The following KCNQ5 variants were observed in gnomAD, a reference collection of about 807,000 sequenced individuals.
KCNQ5 encodes potassium voltage-gated channel subfamily Q member 5, also known as potassium voltage-gated channel subfamily KQT member 5.
KCNQ5 carries 30 observed loss-of-function variants against 98.2 expected under a neutral mutation model. That is an observed-to-expected ratio of 0.31 (90% CI 0.23 to 0.41). The LOEUF is 0.41. Among genes scored for constraint, KCNQ5 ranks in the 10% least tolerant of loss-of-function variants. The pLI is 1.00. For synonymous variants in KCNQ5, 458 were observed against 449.4 expected, an observed-to-expected ratio of 1.02 and a Z score of -0.24; for missense variants, 835 against 1,182.5, an observed-to-expected ratio of 0.71 and a Z score of 4.31.
chr6:73,117,333 G>A (rs1024088912), intron 7 of KCNQ5, among the ~76,000 whole-genome samples: 1 of 152,142 alleles, frequency 6.6e-6, no homozygotes, highest in Non-Finnish European at 1.5e-5. Context: ...CATTTTTACT[G>A]TTAACTAATA....
At chr6:73,141,933 A>G (rs1751215410) in intron 10 of KCNQ5, among the ~76,000 whole-genome samples, 1 of 152,242 alleles carries the variant, frequency 6.6e-6, no homozygotes, top group Non-Finnish European at 1.5e-5. Context: ...GAAGCAGTTT[A>G]GCTGAATGGT....
chr6:72,931,975 A>G (rs1765713856), intron 1 of KCNQ5, among the ~76,000 whole-genome samples: 1 of 152,146 alleles, frequency 6.6e-6, no homozygotes, highest in Non-Finnish European at 1.5e-5. Flanking sequence ...CCCACCAGGC[A>G]CTGGAAGAGC....
intron 6 of KCNQ5, among the ~76,000 whole-genome samples, chr6:73,109,352 A>G (rs775905987): frequency 3.9e-5 from 6 of 152,246 alleles, no homozygotes; most frequent in Non-Finnish European, 7.3e-5. Flanking sequence ...AATGGTAGCT[A>G]GTGCTGTTAA....
chr6:73,157,569 AACCAGCG>A, intron 10 of KCNQ5: 3 of 761,854 alleles, frequency 3.9e-6, no homozygotes, highest in East Asian at 2.5e-5. Context: ...AGAGGAAGGG[AACCAGCG>A]CACCTGGCAT....
chr6:72,933,830 A>G (rs768026767), intron 1 of KCNQ5, among the ~76,000 whole-genome samples: 3 of 152,196 alleles, frequency 2.0e-5, no homozygotes, highest in Non-Finnish European at 4.4e-5. Context: ...ACAAATACTG[A>G]TTTATCATTA....
intron 1 of KCNQ5, among the ~76,000 whole-genome samples, chr6:72,810,939 G>T (rs187596929): frequency 1.5e-4 from 23 of 152,326 alleles, no homozygotes; most frequent in Admixed American, 2.0e-4. Flanking sequence ...GAGATGCTAA[G>T]AATACCCTGT....
chr6:73,148,292 T>A (rs143964602), intron 10 of KCNQ5, among the ~76,000 whole-genome samples: 1 of 152,328 alleles, frequency 6.6e-6, no homozygotes, highest in African/African-American at 2.4e-5. Flanking sequence ...CTTAGAGACA[T>A]TCATATCATA....
In KCNQ5 at chr6:72,938,677, G is replaced by A. The variant is rs562545378; in HGVS notation, c.399-65231G>A. ...TGGGATTACAGGCACGAGTCACCACGCCCAGCAAATTGTACATTTAAAACC... is the reference window on the plus strand; with the variant it reads ...TGGGATTACAGGCACGAGTCACCACACCCAGCAAATTGTACATTTAAAACC... On this transcript the variant is annotated intron_variant, in intron 1 of 13. Coordinates refer to ENST00000370398, the MANE Select transcript of KCNQ5 (RefSeq NM_019842.4). Among the ~76,000 whole-genome samples the A allele has an allele frequency of 7.0e-4, 106 of 152,104 alleles. 3 individuals carry two copies. In the South Asian group the frequency reaches 0.019, roughly 28 times the overall value.
chr6:73,059,619 A>T (rs1772688958), intron 3 of KCNQ5, among the ~76,000 whole-genome samples: 1 of 152,182 alleles, frequency 6.6e-6, no homozygotes, highest in South Asian at 2.1e-4. Flanking sequence ...AATGTTTCAT[A>T]GCATTAAATT....
intron 1 of KCNQ5, among the ~76,000 whole-genome samples, chr6:72,942,672 T>C (rs1766363640): frequency 2.0e-5 from 3 of 152,214 alleles, no homozygotes; most frequent in Non-Finnish European, 4.4e-5. Flanking sequence ...CAGGTTTCTT[T>C]AGAATAGTTT....
intron 1 of KCNQ5, among the ~76,000 whole-genome samples, chr6:72,746,063 GCAAAA>G (rs1771382284): frequency 4.1e-5 from 2 of 48,430 alleles, no homozygotes; most frequent in African/African-American, 9.7e-5. Flanking sequence ...GACTCTATTT[GCAAAA>G]AAAAAAAAAA....
chr6:72,976,595 T>G (rs1768168429), intron 1 of KCNQ5, among the ~76,000 whole-genome samples: 1 of 152,190 alleles, frequency 6.6e-6, no homozygotes, highest in Non-Finnish European at 1.5e-5. Flanking sequence ...GCAGCCCTTT[T>G]CTCGGTTGTG....
intron 6 of KCNQ5, 127 bp downstream of exon 6, chr6:73,105,494 A>T (rs1279031323): frequency 1.2e-5 from 6 of 485,042 alleles, no homozygotes; most frequent in Non-Finnish European, 1.8e-5. Flanking sequence ...TTCCGATATA[A>T]TGTTGACTTT....
chr6:72,839,650 G>T (rs960701569), intron 1 of KCNQ5, among the ~76,000 whole-genome samples: 3 of 151,968 alleles, frequency 2.0e-5, no homozygotes, highest in African/African-American at 7.3e-5. Flanking sequence ...CTTTTGTTTT[G>T]TTTTTTATTT....
chr6:72,956,871 C>T (rs1767101937), intron 1 of KCNQ5, among the ~76,000 whole-genome samples: 1 of 151,956 alleles, frequency 6.6e-6, no homozygotes, highest in Non-Finnish European at 1.5e-5. Context: ...CTCAGAAGGA[C>T]CACTGGTTTA....
intron 1 of KCNQ5, among the ~76,000 whole-genome samples, chr6:72,834,208 A>G (rs1480745362): frequency 6.6e-6 from 1 of 152,102 alleles, no homozygotes; most frequent in Admixed American, 6.5e-5. Flanking sequence ...ACTTTTCTGC[A>G]TTTTTAAGAC....
intron 1 of KCNQ5, among the ~76,000 whole-genome samples, chr6:72,692,437 T>C (rs1477877607): frequency 1.3e-5 from 2 of 152,224 alleles, no homozygotes; most frequent in African/African-American, 4.8e-5. Context: ...ATCTGTTTCA[T>C]TGCATGTATT....
chr6:72,720,300 A>G (rs1182736713), intron 1 of KCNQ5, among the ~76,000 whole-genome samples: 1 of 152,206 alleles, frequency 6.6e-6, no homozygotes. Flanking sequence ...GCTTTTTTAC[A>G]TTATACTTAA....
chr6:73,142,799 C>G (rs977565961), intron 10 of KCNQ5, among the ~76,000 whole-genome samples: 18 of 152,018 alleles, frequency 1.2e-4, no homozygotes, highest in African/African-American at 3.9e-4. Flanking sequence ...ACCTGTAATC[C>G]CAGCTACTCA....
Sources: allele counts gnomAD v4.1 joint callset (sites outside exome capture counted in the v4.1 genomes callset), GRCh38; gene constraint gnomAD v4.1.1; transcripts MANE v1.5; gene names NCBI Gene and HGNC (gene_info 2026-07-23, HGNC 2026-07-21).